The following PRDM16 variants were observed in gnomAD, a reference collection of about 807,000 sequenced individuals.
PRDM16 encodes the protein histone-lysine N-methyltransferase PRDM16.
PRDM16 carries 23 observed loss-of-function variants against 110.6 expected under a neutral mutation model. The observed-to-expected ratio is 0.21, with a 90% CI of 0.15 to 0.29. The LOEUF is 0.29. Ranked by LOEUF, PRDM16 falls within the 10% of genes least tolerant of loss-of-function variation. PRDM16 has a pLI of 1.00. For missense variants in PRDM16, 1,615 were observed against 1,794.3 expected (o/e 0.90, Z 1.81); for synonymous variants, 799 against 781.8 (o/e 1.02, Z -0.37).
At chr1:3,207,068 A>C (rs1290709144) in intron 2 of PRDM16, 1 of 152,250 alleles carries the variant, frequency 6.6e-6, no homozygotes, top group African/African-American at 2.4e-5. Flanking sequence ...GCTGTGGCTT[A>C]GTCAAGAAGG....
Position 3,333,858 on chromosome 1 carries a change from C to T in PRDM16, c.439-51294C>T, listed in dbSNP as rs921362926. 4.6e-5 allele frequency among the ~76,000 whole-genome samples: 7 copies of T among 152,112 alleles called. No individual in the cohort carries two copies. The East Asian group carries it at 5.8e-4, about 13-fold the overall frequency. On this transcript the variant is annotated intron_variant, in intron 3 of 16. Transcript: ENST00000270722. ...ACCTCCCCAGCCTCTCCCTCTTGCC[C>T]ACTCTATCACATGTCACACGCAGGC...
At chr1:3,167,119 A>C (rs1032903045) in intron 1 of PRDM16, among the ~76,000 whole-genome samples, 1 of 152,100 alleles carries the variant, frequency 6.6e-6, no homozygotes, top group Non-Finnish European at 1.5e-5. Flanking sequence ...GCTGGTCTAC[A>C]TGGCTACTAC....
intron 3 of PRDM16, among the ~76,000 whole-genome samples, chr1:3,287,908 G>C (rs2134120): frequency 1.3e-5 from 2 of 152,118 alleles, no homozygotes; most frequent in African/African-American, 4.8e-5. Flanking sequence ...ATGGAGCCTC[G>C]CACACCCTCA....
intron 2 of PRDM16, among the ~76,000 whole-genome samples, chr1:3,230,372 C>A (rs897060651): frequency 1.1e-4 from 17 of 152,186 alleles, no homozygotes; most frequent in African/African-American, 4.1e-4. Context: ...GAGTGAGACT[C>A]CACAGTCATC....
intron 3 of PRDM16, among the ~76,000 whole-genome samples, chr1:3,325,136 AC>A (rs1035118904): frequency 2.9e-4 from 44 of 151,926 alleles, no homozygotes; most frequent in Admixed American, 2.8e-3. Context: ...TGGAGGGGTG[AC>A]CCCCAAACCC....
At chr1:3,105,818 G>A (rs1389800421) in intron 1 of PRDM16, among the ~76,000 whole-genome samples, 1 of 152,220 alleles carries the variant, frequency 6.6e-6, no homozygotes, top group Non-Finnish European at 1.5e-5. Context: ...CCTTCCCCCT[G>A]CGGCGCCCCA....
intron 1 of PRDM16, among the ~76,000 whole-genome samples, chr1:3,166,923 A>G (rs1643964050): frequency 6.6e-6 from 1 of 152,184 alleles, no homozygotes; most frequent in Non-Finnish European, 1.5e-5. Context: ...CTCCTGCTGC[A>G]TAGATGCTGC....
At chr1:3,227,272 G>A (rs895896895) in intron 2 of PRDM16, among the ~76,000 whole-genome samples, 3 of 152,240 alleles carry the variant, frequency 2.0e-5, no homozygotes, top group African/African-American at 7.2e-5. Flanking sequence ...TTTATCCTCT[G>A]AAGAAAAATG....
chr1:3,409,402 GTTC>G (rs1474418148), intron 8 of PRDM16, among the ~76,000 whole-genome samples: 1 of 152,110 alleles, frequency 6.6e-6, no homozygotes, highest in Non-Finnish European at 1.5e-5. Context: ...ACGAGACAAA[GTTC>G]TTCTCCCCTC....
At position 3,359,440 on chromosome 1, in the gene PRDM16, G is replaced by C. The variant is rs940112584; in HGVS notation, c.439-25712G>C. ...TGGAACACATTGGAAGCCCTTGTCG[G>C]GTGCCACCTTCTAAGTAAACACACT... On this transcript the variant is annotated intron_variant, in intron 3 of 16. Transcript: ENST00000270722. The surrounding 1 kb of genome is among the most constrained non-coding windows in gnomAD (Gnocchi z 4.3). Among the ~76,000 whole-genome samples the C allele has an allele frequency of 6.6e-6, 1 of 151,980 alleles. No homozygotes were observed. Among genetic ancestry groups the C allele is most frequent in the Non-Finnish European group, 1.5e-5 (1 of 68,028 alleles).
At chr1:3,239,327 G>C (rs1187918394) in intron 2 of PRDM16, among the ~76,000 whole-genome samples, 2 of 152,132 alleles carry the variant, frequency 1.3e-5, no homozygotes, top group Non-Finnish European at 2.9e-5. Context: ...TGAACATGTA[G>C]GCCGCATGGA....
rs1265911801 is a variant in PRDM16, at chr1:3,433,958, A to T, written c.*147A>T. The stretch of plus-strand genomic sequence containing the variant: ...CACCATGGTTCATTCCGACTTTTCC[A>T]ATGGAAACTCAGATCCCAAAAGTCC... On this transcript the variant is annotated 3_prime_UTR_variant, in exon 17 of 17. Coordinates refer to ENST00000270722, the MANE Select transcript of PRDM16 (RefSeq NM_022114.4). 9 of 802,632 alleles carry T rather than the reference A, an allele frequency of 1.1e-5. No homozygotes were observed. The highest frequency in any genetic ancestry group is 1.7e-5 in the Non-Finnish European group (9 of 521,012). The allele number at this position is 802,632 out of a possible 1,614,324, so 49.7% of individuals were successfully genotyped here.
At chr1:3,323,486 G>A (rs982010198) in intron 3 of PRDM16, among the ~76,000 whole-genome samples, 6 of 152,382 alleles carry the variant, frequency 3.9e-5, no homozygotes, top group South Asian at 2.1e-4. Flanking sequence ...CACAGCAGGC[G>A]TGGACGGCTC....
At chr1:3,316,910 T>A (rs1641621018) in intron 3 of PRDM16, among the ~76,000 whole-genome samples, 1 of 151,620 alleles carries the variant, frequency 6.6e-6, no homozygotes. Context: ...CCGATCAGAG[T>A]GTAGCTAAGA....
chr1:3,386,170 CG>C (rs1212102793), intron 4 of PRDM16, among the ~76,000 whole-genome samples: 6 of 152,170 alleles, frequency 3.9e-5, no homozygotes, highest in Non-Finnish European at 8.8e-5. Flanking sequence ...CCGGGGTCCC[CG>C]GCCCCTTACA....
intron 3 of PRDM16, among the ~76,000 whole-genome samples, chr1:3,311,978 G>C (rs866335275): frequency 1.3e-5 from 2 of 152,312 alleles, no homozygotes; most frequent in African/African-American, 4.8e-5. Flanking sequence ...ATCCAGCCAG[G>C]TGCTCAGGGA....
intron 3 of PRDM16, among the ~76,000 whole-genome samples, chr1:3,306,272 A>G (rs1220133426): frequency 1.3e-5 from 2 of 152,266 alleles, no homozygotes; most frequent in East Asian, 3.8e-4. Context: ...GGGACATCAC[A>G]GCATCACTGC....
intron 1 of PRDM16, among the ~76,000 whole-genome samples, chr1:3,123,994 C>T (rs533764891): frequency 3.9e-5 from 6 of 152,324 alleles, no homozygotes; most frequent in South Asian, 4.1e-4. Context: ...GGTGGGCGTC[C>T]GAGTCGTCTC....
chr1:3,301,204 ACCTGTAGT>A (rs1008513605), intron 3 of PRDM16, among the ~76,000 whole-genome samples: 5 of 152,054 alleles, frequency 3.3e-5, no homozygotes, highest in African/African-American at 1.2e-4. Flanking sequence ...GATGGCATGT[ACCTGTAGT>A]CCTAGCTACT....
Sources: allele counts gnomAD v4.1 joint callset (sites outside exome capture counted in the v4.1 genomes callset), GRCh38; gene constraint gnomAD v4.1.1; non-coding constraint Gnocchi (gnomAD v3.1); transcripts MANE v1.5; gene names NCBI Gene and HGNC (gene_info 2026-07-23, HGNC 2026-07-21).